Variants in SIN3B observed in about 807,000 individuals in gnomAD.
The protein encoded by SIN3B is paired amphipathic helix protein Sin3b.
Under a neutral mutation model 120.2 loss-of-function variants are expected in SIN3B, and 19 were observed. That is an observed-to-expected ratio of 0.16 (90% CI 0.11 to 0.23). The LOEUF is 0.23. SIN3B is among the 10% of genes least tolerant of loss of function. The pLI is 1.00. For synonymous variants in SIN3B, 654 were observed against 653.2 expected, an observed-to-expected ratio of 1.00 and a Z score of -0.02; for missense variants, 1,073 against 1,573.0, an observed-to-expected ratio of 0.68 and a Z score of 5.38.
chr19:16,861,315 A>G (rs771943465), intron 8 of SIN3B, among the ~76,000 whole-genome samples: 55 of 152,178 alleles, frequency 3.6e-4, no homozygotes, highest in Non-Finnish European at 6.5e-4. Context: ...ATGTGACTGC[A>G]GGCCAGTGAA....
chr19:16,856,172 C>T (rs1333473069), intron 8 of SIN3B, among the ~76,000 whole-genome samples: 1 of 152,146 alleles, frequency 6.6e-6, no homozygotes, highest in African/African-American at 2.4e-5. Flanking sequence ...CAGGAAGGGG[C>T]TGGGACTGAG....
intron 11 of SIN3B, 139 bp downstream of exon 11, chr19:16,865,787 G>C (rs1436247780): frequency 1.6e-6 from 1 of 635,292 alleles, no homozygotes; most frequent in African/African-American, 1.8e-5. Context: ...TCCAGGGGTG[G>C]TCTCTGAGGC....
chr19:16,874,181 C>G (rs2051550356), intron 14 of SIN3B, among the ~76,000 whole-genome samples: 4 of 152,284 alleles, frequency 2.6e-5, no homozygotes, highest in Admixed American at 1.3e-4. Context: ...AGCCTGCACT[C>G]AGGCCACCTT....
intron 14 of SIN3B, among the ~76,000 whole-genome samples, chr19:16,873,594 G>C (rs997935552): frequency 6.7e-6 from 1 of 149,764 alleles, no homozygotes; most frequent in African/African-American, 2.4e-5. Flanking sequence ...TGTGACACCA[G>C]GAGATTGGAC....
At chr19:16,848,697 C>T (rs936105486) in intron 5 of SIN3B, among the ~76,000 whole-genome samples, 4 of 152,154 alleles carry the variant, frequency 2.6e-5, no homozygotes, top group African/African-American at 9.7e-5. Context: ...GACAGGGCTT[C>T]GCCATGTTGC....
intron 4 of SIN3B, among the ~76,000 whole-genome samples, chr19:16,846,118 C>G (rs1049190405): frequency 2.0e-5 from 3 of 152,182 alleles, no homozygotes; most frequent in East Asian, 3.9e-4. Context: ...TTGTTCTGTC[C>G]GTATGCAGAT....
chr19:16,860,902 A>G (rs937842485), intron 8 of SIN3B, among the ~76,000 whole-genome samples: 5 of 151,916 alleles, frequency 3.3e-5, no homozygotes, highest in African/African-American at 1.2e-4. Flanking sequence ...CATAACTGCA[A>G]CTTTTTTGGT....
intron 5 of SIN3B, among the ~76,000 whole-genome samples, chr19:16,849,324 T>C (rs1971516157): frequency 1.3e-5 from 2 of 152,218 alleles, no homozygotes; most frequent in Non-Finnish European, 1.5e-5. Flanking sequence ...AAGATTCACC[T>C]CTGCCCTAGT....
chr19:16,842,435 C>G (rs1174888535), intron 4 of SIN3B, among the ~76,000 whole-genome samples: 1 of 137,616 alleles, frequency 7.3e-6, no homozygotes, highest in Non-Finnish European at 1.5e-5. Flanking sequence ...GAGACAGGGT[C>G]TTGCTCTGTC....
intron 17 of SIN3B, 85 bp from the exon 18 acceptor site, chr19:16,878,098 C>T: frequency 8.4e-7 from 1 of 1,187,448 alleles, no homozygotes; most frequent in South Asian, 1.5e-5. Flanking sequence ...TTCTGATGGT[C>T]CCAGGCCTGG....
chr19:16,871,517 T>C (rs1432308254), intron 14 of SIN3B, 119 bp downstream of exon 14: 2 of 909,398 alleles, frequency 2.2e-6, no homozygotes, highest in Non-Finnish European at 1.6e-6. Context: ...TGTTTTTTCT[T>C]AATTGAGACA....
intron 4 of SIN3B, among the ~76,000 whole-genome samples, chr19:16,844,691 A>G (rs773733133): frequency 6.6e-5 from 10 of 152,256 alleles, no homozygotes; most frequent in Non-Finnish European, 1.2e-4. Context: ...GGACACCTAG[A>G]AAAAGATAGG....
At chr19:16,871,540 C>T (rs1240759935) in intron 14 of SIN3B, 142 bp downstream of exon 14, 18 of 741,008 alleles carry the variant, frequency 2.4e-5, no homozygotes, top group Middle Eastern at 3.9e-4. Flanking sequence ...ATTCGCATAA[C>T]GTAAAATTAA....
At chr19:16,832,635 G>A (rs996460433) in intron 3 of SIN3B, among the ~76,000 whole-genome samples, 2 of 151,806 alleles carry the variant, frequency 1.3e-5, no homozygotes, top group African/African-American at 4.8e-5. Flanking sequence ...TAAGTAGCTA[G>A]GACTACAGGC....
At position 16,875,757 on chromosome 19, in the gene SIN3B, T is replaced by G. The variant is rs1196998610; in HGVS notation, c.2593-298T>G. 3.4e-5 allele frequency among the ~76,000 whole-genome samples: 5 copies of G among 146,484 alleles called. 1 individual carries two copies. The highest frequency in any genetic ancestry group is 7.6e-5 in the African/African-American group (3 of 39,456). On this transcript the variant is annotated intron_variant, in intron 14 of 18. Transcript: ENST00000248054. Reference sequence around the variant, plus strand: ...CTGGTCGGTTTGGTCTGGTCTGGTCTGTTTGGTCTGGTCTGTTTGGTCTGG... The same window carrying G: ...CTGGTCGGTTTGGTCTGGTCTGGTCGGTTTGGTCTGGTCTGTTTGGTCTGG...
chr19:16,830,183 T>C (rs1438199801), intron 2 of SIN3B, among the ~76,000 whole-genome samples: 1 of 152,200 alleles, frequency 6.6e-6, no homozygotes, highest in Non-Finnish European at 1.5e-5. Context: ...TGATTTAATA[T>C]GTTGATTTTT....
intron 5 of SIN3B, among the ~76,000 whole-genome samples, chr19:16,850,942 C>G (rs1260858846): frequency 6.9e-6 from 1 of 145,814 alleles, no homozygotes; most frequent in Non-Finnish European, 1.5e-5. Flanking sequence ...TTTTGTCATT[C>G]ATAGAAAAGA....
At chr19:16,831,371 T>G in intron 2 of SIN3B, 123 bp from the exon 3 acceptor site, 1 of 1,031,690 alleles carries the variant, frequency 9.7e-7, no homozygotes, top group Non-Finnish European at 1.4e-6. Context: ...TGGGTCACAT[T>G]TTAGGTTCCT....
At chr19:16,873,999 A>G (rs1158161865) in intron 14 of SIN3B, among the ~76,000 whole-genome samples, 4 of 152,252 alleles carry the variant, frequency 2.6e-5, no homozygotes, top group Admixed American at 6.5e-5. Context: ...AAAGCTGCAC[A>G]TGGAACCCCC....
Sources: gnomAD v4.1 joint callset for allele counts (sites outside exome capture counted in the v4.1 genomes callset) on GRCh38, gnomAD v4.1.1 for gene constraint, MANE v1.5 for transcripts, NCBI Gene and HGNC (gene_info 2026-07-23, HGNC 2026-07-21) for gene names.